The following ADD3 variants were observed in gnomAD, a reference collection of about 807,000 sequenced individuals.
ADD3 encodes the protein gamma-adducin.
ADD3 carries 25 observed loss-of-function variants against 80.2 expected under a neutral mutation model. That is an observed-to-expected ratio of 0.31 (90% CI 0.23 to 0.44). ADD3 has a LOEUF of 0.44. Ranked by LOEUF, ADD3 falls within the 20% of genes least tolerant of loss-of-function variation. The probability of loss-of-function intolerance (pLI) is 1.00; values close to 1 mark genes in which losing one functional copy is unlikely to be tolerated. For synonymous variants in ADD3, 284 were observed against 289.6 expected (o/e 0.98, Z 0.20); for missense variants, 829 against 847.5 (o/e 0.98, Z 0.27).
intron 1 of ADD3, among the ~76,000 whole-genome samples, chr10:110,023,453 C>T (rs1853926017): frequency 6.6e-6 from 1 of 152,160 alleles, no homozygotes; most frequent in Non-Finnish European, 1.5e-5. Context: ...GCAGCCTGAA[C>T]AGACTAAGAC....
At chr10:110,107,766 G>T (rs1285859548) in intron 2 of ADD3, among the ~76,000 whole-genome samples, 1 of 152,132 alleles carries the variant, frequency 6.6e-6, no homozygotes, top group African/African-American at 2.4e-5. Context: ...ATAAGAGCAT[G>T]CAGTACAGCA....
At chr10:109,999,409 C>T (rs1482790122) in intron 1 of ADD3, among the ~76,000 whole-genome samples, 1 of 152,142 alleles carries the variant, frequency 6.6e-6, no homozygotes, top group Admixed American at 6.6e-5. Context: ...CTCGTTTTTC[C>T]CCCATTAAAG....
At chr10:110,090,719 C>T (rs1212206294) in intron 1 of ADD3, among the ~76,000 whole-genome samples, 1 of 152,158 alleles carries the variant, frequency 6.6e-6, no homozygotes, top group Non-Finnish European at 1.5e-5. Context: ...CTGTGGCCTC[C>T]AATTGACACA....
intron 1 of ADD3, among the ~76,000 whole-genome samples, chr10:110,050,593 A>G (rs889887835): frequency 3.4e-5 from 5 of 149,030 alleles, no homozygotes; most frequent in Non-Finnish European, 7.4e-5. Flanking sequence ...GCTCAATGCA[A>G]CCTCTGCCTC....
chr10:110,053,102 GTACAGTAAA>G (rs1019576318), intron 1 of ADD3, among the ~76,000 whole-genome samples: 32 of 152,298 alleles, frequency 2.1e-4, no homozygotes, highest in African/African-American at 7.7e-4. Context: ...CTTCCCAGTA[GTACAGTAAA>G]TACAAGCCAG....
chr10:110,017,372 T>C (rs1231640250), intron 1 of ADD3, among the ~76,000 whole-genome samples: 1 of 152,254 alleles, frequency 6.6e-6, no homozygotes, highest in Admixed American at 6.5e-5. Flanking sequence ...ATACATGAGA[T>C]GAACTTCCAA....
Position 110,073,219 on chromosome 10 carries a change from T to C in ADD3, c.-29-27406T>C, listed in dbSNP as rs575828497. On this transcript the variant is annotated intron_variant, in intron 1 of 14. Coordinates refer to ENST00000356080, the MANE Select transcript of ADD3 (RefSeq NM_016824.5). ...GTGCAGTGGCATTATGTCGGCTCACTGCAAGCTCCACCTCCCGGGTTCATG... is the reference window on the plus strand; with the variant it reads ...GTGCAGTGGCATTATGTCGGCTCACCGCAAGCTCCACCTCCCGGGTTCATG... Among the ~76,000 whole-genome samples, 165 of 142,348 alleles carry C rather than the reference T, an allele frequency of 1.2e-3. 3 individuals are homozygous for C. Among genetic ancestry groups the C allele is most frequent in the Admixed American group, 9.4e-3 (132 of 14,010 alleles). The allele number at this position is 142,348 out of a possible 152,430, so 93.4% of individuals were successfully genotyped here.
At chr10:110,027,527 C>A (rs1449018733) in intron 1 of ADD3, among the ~76,000 whole-genome samples, 1 of 152,126 alleles carries the variant, frequency 6.6e-6, no homozygotes, top group Non-Finnish European at 1.5e-5. Context: ...ATGTAATCAG[C>A]ATAAAAAATT....
chr10:110,109,058 G>A (rs1310631739), intron 2 of ADD3, among the ~76,000 whole-genome samples: 2 of 152,146 alleles, frequency 1.3e-5, no homozygotes, highest in Non-Finnish European at 2.9e-5. Context: ...AATGAAGAAA[G>A]CATTTCACTA....
intron 1 of ADD3, among the ~76,000 whole-genome samples, chr10:110,071,688 G>A (rs1844739884): frequency 6.6e-6 from 1 of 152,128 alleles, no homozygotes; most frequent in Non-Finnish European, 1.5e-5. Context: ...GAAGTACTAT[G>A]CCATCAGTAG....
intron 1 of ADD3, among the ~76,000 whole-genome samples, chr10:110,068,386 A>G (rs1844246600): frequency 6.6e-6 from 1 of 152,224 alleles, no homozygotes; most frequent in African/African-American, 2.4e-5. Flanking sequence ...CAGATTGAAA[A>G]TATTAGAGTA....
In ADD3 at chr10:110,130,366, A is replaced by C. The variant is rs370667425; in HGVS notation, c.1612A>C (p.Met538Leu). The change falls in exon 13 of 15, where the codon ATG (methionine) becomes CTG (leucine). Residue 538 changes from methionine to leucine, a missense_variant. By Grantham distance (15) the Met-to-Leu change is conservative (BLOSUM62 2). Coordinates refer to ENST00000356080, the MANE Select transcript of ADD3 (RefSeq NM_016824.5). ...ATTTTTATTTTTTCTTTGTAAGACT[A>C]TGCAATTTGAAGATGATGATCATGG... ...GIVVDKPPSTMQFEDDDHGPP... is the reference protein window; with the variant it reads ...GIVVDKPPSTLQFEDDDHGPP... 9 of 1,613,640 alleles carry C rather than the reference A, an allele frequency of 5.6e-6. No homozygotes were observed. The African/African-American group carries it at 1.2e-4, about 22-fold the overall frequency.
At chr10:110,033,821 G>T (rs183314634) in intron 1 of ADD3, among the ~76,000 whole-genome samples, 2 of 152,234 alleles carry the variant, frequency 1.3e-5, no homozygotes, top group East Asian at 3.9e-4. Context: ...ACCGTAATTT[G>T]CTAGTTGCCT....
chr10:110,043,367 G>C (rs772899830), intron 1 of ADD3, among the ~76,000 whole-genome samples: 10 of 151,586 alleles, frequency 6.6e-5, no homozygotes, highest in Non-Finnish European at 1.3e-4. Flanking sequence ...ATCTTTTTTT[G>C]TATGACTTTC....
At chr10:110,079,325 A>G (rs1258978295) in intron 1 of ADD3, 1 of 152,054 alleles carries the variant, frequency 6.6e-6, no homozygotes, top group Non-Finnish European at 1.5e-5. Context: ...TGCATATGGT[A>G]AAAAGATGAA....
chr10:110,053,765 C>T (rs989162551), intron 1 of ADD3, among the ~76,000 whole-genome samples: 2 of 152,116 alleles, frequency 1.3e-5, no homozygotes, highest in Non-Finnish European at 2.9e-5. Flanking sequence ...AACTCCAATT[C>T]TCATGTACAC....
chr10:110,006,517 T>C (rs61579832), upstream of ADD3, among the ~76,000 whole-genome samples: 43,365 of 152,092 alleles, frequency 0.29, 9,461 homozygotes, highest in African/African-American at 0.6. Context: ...ATTTTCTTCC[T>C]CAAACTAGGC....
chr10:110,013,438 A>AT (rs1852562500), intron 1 of ADD3, among the ~76,000 whole-genome samples: 1 of 152,096 alleles, frequency 6.6e-6, no homozygotes, highest in Admixed American at 6.6e-5. Flanking sequence ...ATGAAACTCA[A>AT]TTTTTTCTGC....
chr10:110,052,604 A>AG (rs1564897180), intron 1 of ADD3, among the ~76,000 whole-genome samples: 1 of 152,244 alleles, frequency 6.6e-6, no homozygotes, highest in African/African-American at 2.4e-5. Flanking sequence ...GTGCCAAAAA[A>AG]GTTGGGGACC....
Sources: gnomAD v4.1 joint callset for allele counts (sites outside exome capture counted in the v4.1 genomes callset) on GRCh38, gnomAD v4.1.1 for gene constraint, MANE v1.5 for transcripts, NCBI Gene and HGNC (gene_info 2026-07-23, HGNC 2026-07-21) for gene names.